Variants in STMN4 observed in about 807,000 individuals in gnomAD.
STMN4 encodes the protein stathmin 4.
Under a neutral mutation model 29.1 loss-of-function variants are expected in STMN4, and 12 were observed. The observed-to-expected ratio is 0.41, with a 90% confidence interval of 0.26 to 0.67. The LOEUF is 0.67. Ranked by LOEUF, STMN4 falls within the 30% of genes least tolerant of loss-of-function variation. STMN4 has a pLI of 0.30. For synonymous variants in STMN4, 114 were observed against 105.3 expected, an observed-to-expected ratio of 1.08 and a Z score of -0.51; for missense variants, 181 against 262.8, an observed-to-expected ratio of 0.69 and a Z score of 2.15.
At position 27,235,882 on chromosome 8, in the gene STMN4, G is replaced by C. The variant is rs982264334; in HGVS notation, c.*964C>G. The C allele has an allele frequency of 6.5e-6, 1 of 152,818 alleles. No individual in the cohort carries two copies. Among genetic ancestry groups the C allele is most frequent in the South Asian group, 1.9e-4 (1 of 5,164 alleles). The allele number at this position is 152,818 out of a possible 1,614,324, so 9.5% of individuals were successfully genotyped here. ...TGGCACCTTGATATTGGACTTCCCA[G>C]CCTCCAAAACTGTGAGCAATCAATT... On this transcript the variant is annotated 3_prime_UTR_variant, in exon 7 of 7. Coordinates refer to ENST00000350889, the MANE Select transcript of STMN4 (RefSeq NM_030795.4).
intron 2 of STMN4, 110 bp downstream of exon 2, chr8:27,243,601 C>T (rs1586009602): frequency 1.7e-6 from 2 of 1,202,090 alleles, no homozygotes; most frequent in African/African-American, 1.5e-5. Flanking sequence ...CCCCCCCACA[C>T]ACCCCGTGTG....
chr8:27,245,348 G>A (rs1313426448), intron 1 of STMN4, among the ~76,000 whole-genome samples: 1 of 152,224 alleles, frequency 6.6e-6, no homozygotes, highest in Admixed American at 6.5e-5. Flanking sequence ...TGCGGATGGG[G>A]AAACTGAGGC....
At position 27,236,802 on chromosome 8, in the gene STMN4, T is replaced by G; in HGVS notation, c.*44A>C. 2 of 1,548,260 alleles carry G rather than the reference T, an allele frequency of 1.3e-6. No homozygotes were observed. Among genetic ancestry groups the G allele is most frequent in the South Asian group, 2.5e-5 (2 of 80,816 alleles). ...GAGGCTGCCTGGAACGTGGAGCTGCTGGAGCTGTCCGGCTGACCTGGAAAG... is the reference window on the plus strand; with the variant it reads ...GAGGCTGCCTGGAACGTGGAGCTGCGGGAGCTGTCCGGCTGACCTGGAAAG... On this transcript the variant is annotated 3_prime_UTR_variant, in exon 7 of 7. Coordinates refer to ENST00000350889, the MANE Select transcript of STMN4 (RefSeq NM_030795.4).
chr8:27,248,835 T>C (rs1801704659), intron 1 of STMN4, among the ~76,000 whole-genome samples: 1 of 152,212 alleles, frequency 6.6e-6, no homozygotes, highest in Non-Finnish European at 1.5e-5. Flanking sequence ...CAACATTCGT[T>C]TGGGGAAAAA....
chr8:27,256,395 C>A (rs1408303736), intron 1 of STMN4, among the ~76,000 whole-genome samples: 1 of 151,996 alleles, frequency 6.6e-6, no homozygotes, highest in Admixed American at 6.6e-5. Context: ...AAAAGGTTGA[C>A]TATCTATTGG....
chr8:27,244,083 G>A (rs1801555735), intron 1 of STMN4, among the ~76,000 whole-genome samples: 1 of 152,172 alleles, frequency 6.6e-6, no homozygotes, highest in Admixed American at 6.5e-5. Context: ...AAAACGTATG[G>A]ATCAAGGGGT....
At chr8:27,256,871 C>T (rs1366336873) in intron 1 of STMN4, among the ~76,000 whole-genome samples, 1 of 152,076 alleles carries the variant, frequency 6.6e-6, no homozygotes, top group Non-Finnish European at 1.5e-5. Context: ...TGCTTGAATG[C>T]CTTCAGTGAC....
At chr8:27,242,209 C>G in intron 3 of STMN4, 188 bp downstream of exon 3, 1 of 621,090 alleles carries the variant, frequency 1.6e-6, no homozygotes, top group Non-Finnish European at 2.8e-6. Flanking sequence ...TCATGGCCTC[C>G]CCCTAGTGCC....
At chr8:27,238,571 A>T (rs557493278) in intron 6 of STMN4, among the ~76,000 whole-genome samples, 11 of 152,322 alleles carry the variant, frequency 7.2e-5, no homozygotes, top group African/African-American at 2.6e-4. Context: ...CACTGGGCAG[A>T]GCCCTAAGTT....
intron 1 of STMN4, among the ~76,000 whole-genome samples, chr8:27,244,534 C>T (rs1801569296): frequency 6.6e-6 from 1 of 152,090 alleles, no homozygotes; most frequent in East Asian, 1.9e-4. Flanking sequence ...AAATAGGGCT[C>T]CACACCCCCA....
At chr8:27,248,816 T>C (rs1801703839) in intron 1 of STMN4, among the ~76,000 whole-genome samples, 1 of 152,176 alleles carries the variant, frequency 6.6e-6, no homozygotes, top group Non-Finnish European at 1.5e-5. Flanking sequence ...TGTAAAAAGA[T>C]TCATCTGGCA....
At position 27,239,989 on chromosome 8, in the gene STMN4, C is replaced by T; in HGVS notation, c.573G>A (p.Leu191=). Residue 191 remains leucine, a synonymous_variant, in exon 6 of 7, where the codon TTG becomes TTA. Transcript: ENST00000350889. ...CCCTCACCTTCTCTTGCAGCCGTTC[C>T]AACATGGCGGCGAGGTGGGCCTCCC... ...ENREAHLAAM[L]ERLQEKDKHA... is the part of the protein sequence containing the mutation. 1.2e-6 allele frequency: 2 copies of T among 1,614,232 alleles called. No homozygotes were observed. Among genetic ancestry groups the T allele is most frequent in the Non-Finnish European group, 8.5e-7 (1 of 1,180,040 alleles).
chr8:27,249,483 G>A (rs1408828945), intron 1 of STMN4, among the ~76,000 whole-genome samples: 1 of 152,164 alleles, frequency 6.6e-6, no homozygotes, highest in Non-Finnish European at 1.5e-5. Flanking sequence ...CTTCCAAAAT[G>A]CCAATAGCCT....
At chr8:27,240,302 G>C (rs1323292610) in intron 5 of STMN4, 140 bp from the exon 6 acceptor site, 1 of 890,348 alleles carries the variant, frequency 1.1e-6, no homozygotes, top group Non-Finnish European at 1.7e-6. Context: ...AGGAAACAAG[G>C]ACACTTCCTA....
At chr8:27,241,415 G>GCAAT (rs772416125) in intron 4 of STMN4, among the ~76,000 whole-genome samples, 153 bp from the exon 5 acceptor site, 5 of 152,208 alleles carry the variant, frequency 3.3e-5, no homozygotes, top group Non-Finnish European at 7.3e-5. Flanking sequence ...GTACCTAAGG[G>GCAAT]CAATGGCCTC....
At position 27,243,819 on chromosome 8, in the gene STMN4, C is replaced by T; in HGVS notation, c.-78-18G>A. On this transcript the variant is annotated intron_variant, in intron 1 of 6. Transcript: ENST00000350889. ...TCACCAACCTGAGAAAAGGGGAGGA[C>T]AGGATTTTACCATCGATGGATTAGA... 1 of 1,608,462 alleles carries T rather than the reference C, an allele frequency of 6.2e-7. No individual in the cohort carries two copies. Among genetic ancestry groups the T allele is most frequent in the South Asian group, 1.1e-5 (1 of 90,876 alleles).
Position 27,241,740 on chromosome 8 carries a change from A to T in STMN4, c.127T>A (p.Cys43Ser). 6.2e-7 allele frequency: 1 copy of T among 1,613,866 alleles called. No individual in the cohort carries two copies. The highest frequency in any genetic ancestry group is 1.1e-5 in the South Asian group (1 of 91,070). ...YKYEGWCGRQ[C>S]RRKDESQRKD... ...CGCTGGCTTTCATCCTTCCTCCTAC[A>T]CTGTCTCCCACACCAGCCTAGACAG... is the stretch of plus-strand genomic sequence containing the variant. Residue 43 changes from cysteine (C) to serine (S), a missense_variant, in exon 4 of 7, where the codon TGT (cysteine) becomes AGT (serine). Physicochemically the swap from Cys to Ser is moderately radical, Grantham distance 112. Transcript: ENST00000350889.
At chr8:27,255,310 T>C (rs1801909768) in intron 1 of STMN4, among the ~76,000 whole-genome samples, 1 of 152,206 alleles carries the variant, frequency 6.6e-6, no homozygotes, top group African/African-American at 2.4e-5. Flanking sequence ...AAAATTTCTA[T>C]CTCTCCTCCC....
chr8:27,239,255 G>A, intron 6 of STMN4: 1 of 1,535,666 alleles, frequency 6.5e-7, no homozygotes, highest in Non-Finnish European at 8.7e-7. Context: ...TCAGGTCCCG[G>A]GAGTCACCGC....
Sources: gnomAD v4.1 joint callset for allele counts (sites outside exome capture counted in the v4.1 genomes callset) on GRCh38, gnomAD v4.1.1 for gene constraint, MANE v1.5 for transcripts, NCBI Gene and HGNC (gene_info 2026-07-23, HGNC 2026-07-21) for gene names.